PREX2: variants seen among roughly 807,000 people sequenced by gnomAD.
PREX2 encodes phosphatidylinositol-3,4,5-trisphosphate dependent Rac exchange factor 2, also known as phosphatidylinositol 3,4,5-trisphosphate-dependent Rac exchanger 2 protein.
In PREX2, 107 loss-of-function variants were observed where a neutral mutation model predicts 203.2. That is an observed-to-expected ratio of 0.53 (90% CI 0.45 to 0.62). The LOEUF is 0.62. PREX2 is among the 20% of genes least tolerant of loss of function. The pLI is 0.00. For missense variants in PREX2, 1,777 were observed against 1,955.9 expected, an observed-to-expected ratio of 0.91 and a Z score of 1.72; for synonymous variants, 672 against 663.6, an observed-to-expected ratio of 1.01 and a Z score of -0.19.
At chr8:68,108,064 A>G in intron 23 of PREX2, 45 bp from the exon 24 acceptor site, 2 of 1,333,974 alleles carry the variant, frequency 1.5e-6, no homozygotes, top group Admixed American at 2.0e-5. Context: ...TGCCTGAGTT[A>G]TTACTGTGTG....
intron 37 of PREX2, among the ~76,000 whole-genome samples, chr8:68,216,765 G>A (rs1812846700): frequency 6.6e-6 from 1 of 152,030 alleles, no homozygotes; most frequent in Non-Finnish European, 1.5e-5. Flanking sequence ...AGACCATCCT[G>A]GCCAACATGG....
chr8:68,205,725 TA>T (rs1812610737), intron 37 of PREX2, among the ~76,000 whole-genome samples: 1 of 152,232 alleles, frequency 6.6e-6, no homozygotes, highest in African/African-American at 2.4e-5. Flanking sequence ...TCTGTAAAAG[TA>T]ATTAGAAGCC....
At chr8:68,156,467 A>G (rs2129613910) in intron 34 of PREX2, among the ~76,000 whole-genome samples, 1 of 152,366 alleles carries the variant, frequency 6.6e-6, no homozygotes, top group Middle Eastern at 3.4e-3. Flanking sequence ...TATCAAATAC[A>G]TTGGAAGTGT....
intron 33 of PREX2, among the ~76,000 whole-genome samples, chr8:68,143,370 G>C (rs1352392857): frequency 6.6e-6 from 1 of 152,092 alleles, no homozygotes; most frequent in Non-Finnish European, 1.5e-5. Flanking sequence ...TGATGTGCCT[G>C]CTACCCCTTT....
intron 8 of PREX2, among the ~76,000 whole-genome samples, chr8:68,052,012 A>G (rs920880711): frequency 6.6e-6 from 1 of 152,194 alleles, no homozygotes. Flanking sequence ...GAAAAAGACT[A>G]TGGAAACCAG....
At chr8:68,198,218 T>C (rs1326586902) in intron 37 of PREX2, among the ~76,000 whole-genome samples, 1 of 152,214 alleles carries the variant, frequency 6.6e-6, no homozygotes. Flanking sequence ...CTTTACTAGG[T>C]TTACAATTAT....
At chr8:68,037,081 T>C (rs1328970927) in intron 6 of PREX2, among the ~76,000 whole-genome samples, 1 of 152,244 alleles carries the variant, frequency 6.6e-6, no homozygotes, top group African/African-American at 2.4e-5. Flanking sequence ...GTCATTTTAA[T>C]TTAAATTTTT....
Position 68,097,219 on chromosome 8 carries a change from GA to G in PREX2, c.2553+21del. The G allele has an allele frequency of 6.3e-7, 1 of 1,576,946 alleles. No homozygotes were observed. The highest frequency in any genetic ancestry group is 8.6e-7 in the Non-Finnish European group (1 of 1,160,402). ...CTGCCAAGGTAGGAGCGATGCTGAA[GA>G]AATAAGATTTTTTGTTCTAAATAAA... is the stretch of plus-strand genomic sequence containing the variant. On this transcript the variant is annotated intron_variant, in intron 22 of 39. Transcript: ENST00000288368.
chr8:68,113,454 A>G (rs1810575732), intron 25 of PREX2, among the ~76,000 whole-genome samples: 1 of 152,176 alleles, frequency 6.6e-6, no homozygotes, highest in South Asian at 2.1e-4. Flanking sequence ...CTAATGTTTT[A>G]ATCTTTTGGG....
At chr8:68,106,263 C>A (rs1438427670) in intron 23 of PREX2, 2 of 498,432 alleles carry the variant, frequency 4.0e-6, no homozygotes, top group South Asian at 3.0e-5. Context: ...TTTTATCCTG[C>A]AATAACAGTG....
chr8:68,002,554 T>C (rs1277933018), intron 1 of PREX2, among the ~76,000 whole-genome samples: 1 of 152,222 alleles, frequency 6.6e-6, no homozygotes, highest in Non-Finnish European at 1.5e-5. Context: ...GTACCCCTTG[T>C]AGTATGTGAA....
rs572237706 is a variant in PREX2 at position 68,008,237 on chromosome 8, G to T, written c.142-9609G>T. ...CAAATAGTAAATTCTAAATACTCAG[G>T]ATATTTTCTGGACTGTTTCTGTGCC... On this transcript the variant is annotated intron_variant, in intron 1 of 39. Coordinates refer to ENST00000288368, the MANE Select transcript of PREX2 (RefSeq NM_024870.4). 3.3e-5 allele frequency among the ~76,000 whole-genome samples: 5 copies of T among 152,272 alleles called. No individual in the cohort carries two copies. The South Asian group carries it at 8.3e-4, about 25-fold the overall frequency.
rs1455655141 is a variant in PREX2 at position 68,156,341 on chromosome 8, G to A, written c.4232-981G>A. Among the ~76,000 whole-genome samples, 4 of 152,276 alleles carry A rather than the reference G, an allele frequency of 2.6e-5. No homozygotes were observed. In the East Asian group the frequency reaches 7.7e-4, roughly 29 times the overall value. Reference sequence around the variant, plus strand: ...TGGCTCTCAAAGTGCTGGAATTATAGGCATGAGCCACTGTGCCAGGCCTCT... The same window carrying A: ...TGGCTCTCAAAGTGCTGGAATTATAAGCATGAGCCACTGTGCCAGGCCTCT... On this transcript the variant is annotated intron_variant, in intron 34 of 39. Coordinates refer to ENST00000288368, the MANE Select transcript of PREX2 (RefSeq NM_024870.4).
chr8:68,130,996 T>C (rs933497068), intron 31 of PREX2, among the ~76,000 whole-genome samples: 3 of 152,212 alleles, frequency 2.0e-5, no homozygotes, highest in Admixed American at 6.5e-5. Context: ...ATGCAATGCA[T>C]CTGGAAGAAA....
chr8:68,227,607 T>C (rs930317314), intron 39 of PREX2, among the ~76,000 whole-genome samples: 2 of 152,098 alleles, frequency 1.3e-5, no homozygotes, highest in East Asian at 1.9e-4. Context: ...GTTACCACAA[T>C]GTATGGGTAA....
intron 37 of PREX2, among the ~76,000 whole-genome samples, chr8:68,214,466 G>T (rs1585869308): frequency 6.6e-6 from 1 of 152,206 alleles, no homozygotes; most frequent in East Asian, 1.9e-4. Flanking sequence ...TCTTTCTTTT[G>T]CCCAGGGCTA....
intron 4 of PREX2, among the ~76,000 whole-genome samples, chr8:68,026,952 C>T (rs1807734652): frequency 6.6e-6 from 1 of 152,102 alleles, no homozygotes; most frequent in Non-Finnish European, 1.5e-5. Flanking sequence ...ATTCATCTCT[C>T]CATCTCTTTC....
chr8:68,096,527 C>T (rs1387518370), intron 21 of PREX2, among the ~76,000 whole-genome samples: 2 of 152,130 alleles, frequency 1.3e-5, no homozygotes, highest in Non-Finnish European at 2.9e-5. Flanking sequence ...TGAGCCCTCT[C>T]TGTAAGTTGC....
At chr8:68,179,456 A>G (rs1244090714) in intron 35 of PREX2, among the ~76,000 whole-genome samples, 3 of 152,134 alleles carry the variant, frequency 2.0e-5, no homozygotes, top group Non-Finnish European at 4.4e-5. Context: ...GAGGGAGAGC[A>G]AGTTTGCTTT....
Sources: gnomAD v4.1 joint callset for allele counts (sites outside exome capture counted in the v4.1 genomes callset) on GRCh38, gnomAD v4.1.1 for gene constraint, MANE v1.5 for transcripts, NCBI Gene and HGNC (gene_info 2026-07-23, HGNC 2026-07-21) for gene names.